Variants in IRS1 observed in about 807,000 individuals in gnomAD.
The protein encoded by IRS1 is insulin receptor substrate 1.
Under a neutral mutation model 65.6 loss-of-function variants are expected in IRS1, and 34 were observed. The observed-to-expected ratio is 0.52, with a 90% CI of 0.39 to 0.69. IRS1 has a LOEUF of 0.69. IRS1 is among the 30% of genes least tolerant of loss of function. IRS1 has a pLI of 0.00. For missense variants in IRS1, 1,641 were observed against 1,720.2 expected, an observed-to-expected ratio of 0.95 and a Z score of 0.81; for synonymous variants, 699 against 683.5, an observed-to-expected ratio of 1.02 and a Z score of -0.35.
In IRS1 at chr2:226,798,896, G is replaced by A. The variant is rs998752809; in HGVS notation, c.-158C>T. ...CCACGCCGCCCCCCGCGCCGGGGAGGGGCAGCTGAAGGAGGACGCAGCTGC... is the reference window on the plus strand; with the variant it reads ...CCACGCCGCCCCCCGCGCCGGGGAGAGGCAGCTGAAGGAGGACGCAGCTGC... On this transcript the variant is annotated 5_prime_UTR_variant, in exon 1 of 2. Coordinates refer to ENST00000305123, the MANE Select transcript of IRS1 (RefSeq NM_005544.3). The surrounding 1 kb of genome is among the most constrained non-coding windows in gnomAD (Gnocchi z 9.4). 6.6e-7 allele frequency: 1 copy of A among 1,510,006 alleles called. No individual in the cohort carries two copies. 93.5% of individuals were successfully genotyped at this position (1,510,006 alleles called of 1,614,324 possible).
In IRS1 at chr2:226,755,352, T is replaced by C. The variant is rs1189813201; in HGVS notation, c.*22-19102A>G. Among the ~76,000 whole-genome samples the C allele has an allele frequency of 2.6e-5, 4 of 152,282 alleles. No homozygotes were observed. The East Asian group carries it at 5.8e-4, about 22-fold the overall frequency. Reference sequence around the variant, plus strand: ...AATATTCCCTCTGTAGATCAAAACATGCTGTACTTTGAGAAGGGGAAAACA... The same window carrying C: ...AATATTCCCTCTGTAGATCAAAACACGCTGTACTTTGAGAAGGGGAAAACA... On this transcript the variant is annotated intron_variant, in intron 1 of 1. Transcript: ENST00000305123.
Position 226,798,014 on chromosome 2 carries a change from T to C in IRS1, c.725A>G (p.Asp242Gly). Residue 242 changes from aspartate to glycine, a missense_variant, in exon 1 of 2, where the codon GAC becomes GGC. By Grantham distance (94) the Asp-to-Gly change is moderately conservative (BLOSUM62 -1). Coordinates refer to ENST00000305123, the MANE Select transcript of IRS1 (RefSeq NM_005544.3). This position sits in a 1 kb window ranked among gnomAD's most constrained non-coding sequence, Gnocchi z 9.4. ...GPGEFWMQVD[D>G]SVVAQNMHET... ...GTGCATGTTCTGGGCCACCACAGAG[T>C]CATCCACCTGCATCCAGAACTCCCC... 6.2e-7 allele frequency: 1 copy of C among 1,613,486 alleles called. No individual in the cohort carries two copies. The highest frequency in any genetic ancestry group is 2.2e-5 in the East Asian group (1 of 44,828).
intron 1 of IRS1, among the ~76,000 whole-genome samples, chr2:226,759,421 C>T (rs920243114): frequency 6.6e-6 from 1 of 152,164 alleles, no homozygotes; most frequent in Non-Finnish European, 1.5e-5. Flanking sequence ...TTTGACACAG[C>T]CCCAATGAAC....
intron 1 of IRS1, among the ~76,000 whole-genome samples, chr2:226,773,574 A>G (rs896706527): frequency 1.3e-5 from 2 of 152,138 alleles, no homozygotes; most frequent in African/African-American, 2.4e-5. Flanking sequence ...TTAAAAGAAA[A>G]AAAAGAAAAG....
intron 1 of IRS1, among the ~76,000 whole-genome samples, chr2:226,759,917 G>A (rs1318824530): frequency 2.0e-5 from 3 of 152,216 alleles, no homozygotes; most frequent in Non-Finnish European, 2.9e-5. Flanking sequence ...GCTCACACCT[G>A]TAATCCCAAC....
intron 1 of IRS1, among the ~76,000 whole-genome samples, chr2:226,764,760 C>T (rs1348872254): frequency 2.0e-5 from 3 of 152,190 alleles, no homozygotes; most frequent in Non-Finnish European, 4.4e-5. Context: ...CAATTCACCT[C>T]TTGGGTTGCC....
At chr2:226,740,567 G>C (rs1559146398) in intron 1 of IRS1, among the ~76,000 whole-genome samples, 3 of 152,168 alleles carry the variant, frequency 2.0e-5, no homozygotes, top group Admixed American at 1.3e-4. Context: ...CAGCACAAGA[G>C]TATAAGTGTG....
At chr2:226,786,141 C>T (rs993613370) in intron 1 of IRS1, among the ~76,000 whole-genome samples, 6 of 148,432 alleles carry the variant, frequency 4.0e-5, no homozygotes, top group East Asian at 2.1e-4. Flanking sequence ...TCCAGTCTAT[C>T]GTTGTTGGAC....
Position 226,795,374 on chromosome 2 carries a change from C to A in IRS1, c.3365G>T (p.Gly1122Val), listed in dbSNP as rs112888661. ...ACCGCCACCGCCCCCTACTGCTGCC[C>A]CCGCTCCAAAGGGCACTGTGTTGCC... ...RVGNTVPFGAGAAVGGGGGSS... is the reference protein window; with the variant it reads ...RVGNTVPFGAVAAVGGGGGSS... The change falls in exon 1 of 2, where the codon GGG (glycine) becomes GTG (valine). Residue 1122 changes from glycine (G) to valine (V), a missense_variant. Around this residue, in one of 3 missense-constraint regions of IRS1, gnomAD observed 1,324 missense variants for 1,361.0 expected, o/e 0.97. Coordinates refer to ENST00000305123, the MANE Select transcript of IRS1 (RefSeq NM_005544.3). 85 of 1,613,164 alleles carry A rather than the reference C, an allele frequency of 5.3e-5. No homozygotes were observed. Among genetic ancestry groups the A allele is most frequent in the African/African-American group, 5.1e-4 (38 of 75,006 alleles).
At chr2:226,766,142 TATATATATATATATATATATA>T (rs1237985112) in intron 1 of IRS1, among the ~76,000 whole-genome samples, 7 of 4,280 alleles carry the variant, frequency 1.6e-3, no homozygotes, top group South Asian at 7.7e-3. Flanking sequence ...TATATATATA[TATATATATATATATATATATA>T]TTTTTTTTTT....
At chr2:226,793,232 CAAGT>C (rs1401568097) in intron 1 of IRS1, among the ~76,000 whole-genome samples, 1 of 152,116 alleles carries the variant, frequency 6.6e-6, no homozygotes, top group African/African-American at 2.4e-5. Context: ...ATTAAGATGA[CAAGT>C]AAGAAAAACT....
At chr2:226,748,654 C>CA (rs1553529023) in intron 1 of IRS1, among the ~76,000 whole-genome samples, 3 of 151,756 alleles carry the variant, frequency 2.0e-5, no homozygotes, top group Non-Finnish European at 4.4e-5. Flanking sequence ...AAAAAACAAA[C>CA]AAACAAAACA....
Position 226,796,907 on chromosome 2 carries a change from C to T in IRS1, c.1832G>A (p.Gly611Asp). 1 of 1,542,840 alleles carries T rather than the reference C, an allele frequency of 6.5e-7. No individual in the cohort carries two copies. Among genetic ancestry groups the T allele is most frequent in the Non-Finnish European group, 8.7e-7 (1 of 1,143,888 alleles). Residue 611 changes from glycine (G) to aspartate (D), a missense_variant, in exon 1 of 2, where the codon GGC (glycine) becomes GAC (aspartate). Physicochemically the swap from Gly to Asp is moderately conservative, Grantham distance 94. Around this residue, in one of 3 missense-constraint regions of IRS1, gnomAD observed 1,324 missense variants for 1,361.0 expected, o/e 0.97. Transcript: ENST00000305123. Reference protein sequence around the residue: ...PDSSTLHTDDGYMPMSPGVAP... With the variant: ...PDSSTLHTDDDYMPMSPGVAP... ...CACCCCTGGGGACATGGGCATGTAG[C>T]CATCATCCGTGTGGAGGGTGGAGCT...
At chr2:226,744,121 G>C (rs1043904468) in intron 1 of IRS1, among the ~76,000 whole-genome samples, 5 of 152,106 alleles carry the variant, frequency 3.3e-5, no homozygotes, top group African/African-American at 1.2e-4. Context: ...AGACAACCCT[G>C]GTCTGCAGCG....
At chr2:226,782,243 A>G (rs16822633) in intron 1 of IRS1, among the ~76,000 whole-genome samples, 7,544 of 152,156 alleles carry the variant, frequency 0.05, 340 homozygotes, top group East Asian at 0.17. Flanking sequence ...GACATATTTT[A>G]TACAGTGTCT....
In IRS1 at chr2:226,795,887, C is replaced by T; in HGVS notation, c.2852G>A (p.Arg951Lys). The T allele has an allele frequency of 6.2e-7, 1 of 1,613,834 alleles. No homozygotes were observed. The highest frequency in any genetic ancestry group is 1.1e-5 in the South Asian group (1 of 91,086). Reference sequence around the variant, plus strand: ...CCCAGTGCTCTCCTGCCAGGCTGCCCTCCGGCCCGGCCCCAGGTCCATCTT... The same window carrying T: ...CCCAGTGCTCTCCTGCCAGGCTGCCTTCCGGCCCGGCCCCAGGTCCATCTT... ...YMKMDLGPGR[R>K]AAWQESTGVE... The change falls in exon 1 of 2, where the codon AGG (arginine) becomes AAG (lysine). Residue 951 changes from arginine (R) to lysine (K), a missense_variant. Physicochemically the swap from Arg to Lys is conservative, Grantham distance 26. Transcript: ENST00000305123.
chr2:226,763,608 A>G (rs1938965037), intron 1 of IRS1, among the ~76,000 whole-genome samples: 1 of 152,186 alleles, frequency 6.6e-6, no homozygotes, highest in Non-Finnish European at 1.5e-5. Context: ...CTACATTCCA[A>G]AATATTAGGT....
intron 1 of IRS1, among the ~76,000 whole-genome samples, chr2:226,786,071 A>C (rs1939481770): frequency 6.7e-6 from 1 of 148,982 alleles, no homozygotes; most frequent in South Asian, 2.3e-4. Flanking sequence ...AAGGACATGC[A>C]CTCGTCCTTT....
intron 1 of IRS1, among the ~76,000 whole-genome samples, chr2:226,791,277 A>C (rs926217754): frequency 9.2e-5 from 14 of 152,068 alleles, no homozygotes; most frequent in South Asian, 4.2e-4. Flanking sequence ...CCTGGCCCGC[A>C]GGCCCGCAGC....
Sources: gnomAD v4.1 joint callset for allele counts (sites outside exome capture counted in the v4.1 genomes callset) on GRCh38, gnomAD v4.1.1 for gene constraint, gnomAD v4.1.1 regional missense constraint, Gnocchi (gnomAD v3.1) non-coding constraint, MANE v1.5 for transcripts, NCBI Gene and HGNC (gene_info 2026-07-23, HGNC 2026-07-21) for gene names.